Variants in MAGI2 observed in about 807,000 individuals in gnomAD.
MAGI2 encodes the protein membrane associated guanylate kinase, WW and PDZ domain containing 2, also known as membrane-associated guanylate kinase, WW and PDZ domain-containing protein 2.
MAGI2 carries 35 observed loss-of-function variants against 133.3 expected under a neutral mutation model. The ratio of observed to expected loss-of-function variants is 0.26; its 90% CI spans 0.20 to 0.35. The LOEUF (loss-of-function observed/expected upper bound fraction) is 0.35, where lower values mean the gene tolerates loss of function less well. Ranked by LOEUF, MAGI2 falls within the 10% of genes least tolerant of loss-of-function variation. The pLI is 1.00. For missense variants in MAGI2, 1,636 were observed against 1,863.4 expected (o/e 0.88, Z 2.25); for synonymous variants, 729 against 710.6 (o/e 1.03, Z -0.41).
At chr7:78,111,383 C>G (rs904996073) in intron 20 of MAGI2, among the ~76,000 whole-genome samples, 16 of 152,202 alleles carry the variant, frequency 1.1e-4, no homozygotes, top group African/African-American at 3.9e-4. Flanking sequence ...CTATGTCTTT[C>G]CATGCCAAGA....
intron 9 of MAGI2, among the ~76,000 whole-genome samples, chr7:78,263,368 C>G (rs1304066688): frequency 6.6e-6 from 1 of 152,068 alleles, no homozygotes; most frequent in Non-Finnish European, 1.5e-5. Flanking sequence ...TCAACTGGTT[C>G]CTTGCTTTCT....
intron 1 of MAGI2, among the ~76,000 whole-genome samples, chr7:79,255,419 G>A (rs1310048685): frequency 6.6e-6 from 1 of 152,134 alleles, no homozygotes; most frequent in Non-Finnish European, 1.5e-5. Context: ...GGTAATGCAA[G>A]CACCACTGAG....
intron 1 of MAGI2, among the ~76,000 whole-genome samples, chr7:79,336,952 T>A (rs1840479500): frequency 6.6e-6 from 1 of 151,932 alleles, no homozygotes; most frequent in Non-Finnish European, 1.5e-5. Context: ...TAAAATTGTA[T>A]TGTACCAGGG....
chr7:79,314,398 C>A (rs954059626), intron 1 of MAGI2, among the ~76,000 whole-genome samples: 1 of 152,170 alleles, frequency 6.6e-6, no homozygotes, highest in Non-Finnish European at 1.5e-5. Flanking sequence ...AATAAGCCAC[C>A]GTGCCTGGCC....
intron 3 of MAGI2, among the ~76,000 whole-genome samples, chr7:78,624,266 C>G (rs981177462): frequency 2.0e-5 from 3 of 152,170 alleles, no homozygotes; most frequent in Admixed American, 2.0e-4. Flanking sequence ...TGTAGGTTGT[C>G]TGTTCACTCT....
At chr7:79,034,145 A>G (rs1443080305) in intron 1 of MAGI2, among the ~76,000 whole-genome samples, 2 of 152,210 alleles carry the variant, frequency 1.3e-5, no homozygotes, top group African/African-American at 4.8e-5. Flanking sequence ...TGAGTTCTCC[A>G]AAAGAGTAAT....
At chr7:78,807,448 T>C (rs1009353227) in intron 2 of MAGI2, among the ~76,000 whole-genome samples, 1 of 152,140 alleles carries the variant, frequency 6.6e-6, no homozygotes, top group African/African-American at 2.4e-5. Context: ...TATTCTCACA[T>C]CTATTTTTTT....
chr7:78,822,812 T>C (rs1790242205), intron 2 of MAGI2, among the ~76,000 whole-genome samples: 1 of 152,186 alleles, frequency 6.6e-6, no homozygotes, highest in Admixed American at 6.5e-5. Context: ...AGTTTTCTTG[T>C]AACTTTGTAA....
At chr7:78,061,845 C>T (rs1395707417) in intron 21 of MAGI2, among the ~76,000 whole-genome samples, 1 of 152,180 alleles carries the variant, frequency 6.6e-6, no homozygotes, top group African/African-American at 2.4e-5. Context: ...TTAGTTGTTA[C>T]AGGGGCTGAC....
At chr7:78,272,549 C>T (rs1417013668) in intron 9 of MAGI2, among the ~76,000 whole-genome samples, 1 of 152,088 alleles carries the variant, frequency 6.6e-6, no homozygotes, top group Non-Finnish European at 1.5e-5. Flanking sequence ...GTGTTAAAGT[C>T]TCCCGTTATT....
At chr7:78,903,281 C>A (rs887625020) in intron 2 of MAGI2, among the ~76,000 whole-genome samples, 1 of 145,376 alleles carries the variant, frequency 6.9e-6, no homozygotes, top group Non-Finnish European at 1.5e-5. Context: ...GCAAGCTCCG[C>A]CTCCCGGGTT....
chr7:78,348,680 TTTAAG>T (rs1424169717), intron 7 of MAGI2, among the ~76,000 whole-genome samples: 5 of 152,230 alleles, frequency 3.3e-5, no homozygotes, highest in South Asian at 2.1e-4. Flanking sequence ...AATTACATTC[TTTAAG>T]TTATTTAAAA....
At position 78,127,889 on chromosome 7, in the gene MAGI2, C is replaced by A. The variant is rs575142080; in HGVS notation, c.3204-473G>T. Among the ~76,000 whole-genome samples the A allele has an allele frequency of 7.2e-5, 11 of 152,262 alleles. 1 individual carries two copies. In the South Asian group the frequency reaches 2.3e-3, roughly 32 times the overall value. On this transcript the variant is annotated intron_variant, in intron 18 of 21. Coordinates refer to ENST00000354212, the MANE Select transcript of MAGI2 (RefSeq NM_012301.4). ...CATAAAAACATGATTGAAGTGATCTCTAAATACATTACAAATACACAATCA... is the reference window on the plus strand; with the variant it reads ...CATAAAAACATGATTGAAGTGATCTATAAATACATTACAAATACACAATCA...
intron 6 of MAGI2, among the ~76,000 whole-genome samples, chr7:78,461,397 T>TGTGTGTGTGTGTGTGC (rs896614148): frequency 1.0e-5 from 1 of 98,512 alleles, no homozygotes; most frequent in African/African-American, 3.8e-5. Flanking sequence ...TGTGTGCGTG[T>TGTGTGTGTGTGTGTGC]GTGTGTGTGT....
chr7:78,650,294 T>C (rs1371164587), intron 2 of MAGI2, among the ~76,000 whole-genome samples: 1 of 152,144 alleles, frequency 6.6e-6, no homozygotes, highest in African/African-American at 2.4e-5. Context: ...CACTCAATCA[T>C]AAAAATGTTC....
chr7:78,766,962 T>C (rs1825089758), intron 2 of MAGI2, among the ~76,000 whole-genome samples: 1 of 151,674 alleles, frequency 6.6e-6, no homozygotes, highest in African/African-American at 2.4e-5. Context: ...GTGAAACGCT[T>C]ACGTTGAGAA....
intron 1 of MAGI2, among the ~76,000 whole-genome samples, chr7:79,172,182 T>A (rs1040731121): frequency 3.1e-4 from 47 of 152,016 alleles, no homozygotes; most frequent in Admixed American, 8.5e-4. Flanking sequence ...AGAGAAACAG[T>A]GGGTTATGGA....
At chr7:79,028,714 C>T (rs535676916) in intron 1 of MAGI2, among the ~76,000 whole-genome samples, 1 of 152,240 alleles carries the variant, frequency 6.6e-6, no homozygotes, top group East Asian at 1.9e-4. Context: ...TCATGACAAA[C>T]ATTTCAAATA....
At chr7:78,308,829 T>C (rs1250092405) in intron 9 of MAGI2, among the ~76,000 whole-genome samples, 1 of 152,238 alleles carries the variant, frequency 6.6e-6, no homozygotes, top group Non-Finnish European at 1.5e-5. Context: ...ACTTATACTA[T>C]GGGGCTTAGA....
Sources: allele counts gnomAD v4.1 joint callset (sites outside exome capture counted in the v4.1 genomes callset), GRCh38; gene constraint gnomAD v4.1.1; transcripts MANE v1.5; gene names NCBI Gene and HGNC (gene_info 2026-07-23, HGNC 2026-07-21).